CAST: variants seen among roughly 807,000 people sequenced by gnomAD.
CAST encodes the protein calpastatin, also known as MIR583 host.
Under a neutral mutation model 119.6 loss-of-function variants are expected in CAST, and 76 were observed. That is an observed-to-expected ratio of 0.64 (90% CI 0.53 to 0.77). The LOEUF (loss-of-function observed/expected upper bound fraction) is 0.77. Ranked by LOEUF, CAST falls within the 30% of genes least tolerant of loss-of-function variation. The pLI is 0.00. For missense variants in CAST, 953 were observed against 946.5 expected, an observed-to-expected ratio of 1.01 and a Z score of -0.09; for synonymous variants, 319 against 331.6, an observed-to-expected ratio of 0.96 and a Z score of 0.41.
the CAST span, among the ~76,000 whole-genome samples, chr5:96,190,337 G>A: frequency 3.9e-5 from 6 of 152,204 alleles, no homozygotes; most frequent in African/African-American, 1.2e-4. Flanking sequence ...TGTGTGAGTG[G>A]GGAAGGGAGA....
the CAST span, among the ~76,000 whole-genome samples, chr5:96,009,185 A>G: frequency 6.6e-5 from 10 of 152,184 alleles, no homozygotes; most frequent in Admixed American, 1.3e-4. Flanking sequence ...ATATATATGT[A>G]CCACATTTTC....
At chr5:96,218,824 C>T in the CAST span, among the ~76,000 whole-genome samples, 67 of 152,186 alleles carry the variant, frequency 4.4e-4, no homozygotes, top group African/African-American at 1.3e-3. Context: ...CACAGCAGGC[C>T]GGGAGAACAC....
chr5:96,570,305 C>T (rs1024591408), intron 1 of CAST, among the ~76,000 whole-genome samples: 1 of 152,124 alleles, frequency 6.6e-6, no homozygotes, highest in African/African-American at 2.4e-5. Context: ...CACAGCTTCC[C>T]CCAACCATGT....
chr5:96,695,643 C>T, intron 2 of CAST, 193 bp from the exon 3 acceptor site: 1 of 445,640 alleles, frequency 2.2e-6, no homozygotes, highest in Non-Finnish European at 4.2e-6. Flanking sequence ...ATTCAACTTA[C>T]TCTTCATTTC....
the CAST span, among the ~76,000 whole-genome samples, chr5:96,497,231 G>A: frequency 6.6e-6 from 1 of 152,032 alleles, no homozygotes; most frequent in Non-Finnish European, 1.5e-5. Context: ...TGGTGTATAT[G>A]TGCCACATTT....
chr5:96,602,685 G>A (rs1232168279), intron 1 of CAST, among the ~76,000 whole-genome samples: 2 of 152,184 alleles, frequency 1.3e-5, no homozygotes, highest in African/African-American at 4.8e-5. Flanking sequence ...GGGAGGCGGA[G>A]GTTGTAGTGA....
At chr5:96,607,672 T>A (rs1298172766) in intron 1 of CAST, among the ~76,000 whole-genome samples, 1 of 104,918 alleles carries the variant, frequency 9.5e-6, no homozygotes, top group East Asian at 4.3e-4. Flanking sequence ...TATCTCAGTT[T>A]ACTCAGCTGC....
intron 1 of CAST, among the ~76,000 whole-genome samples, chr5:96,551,681 A>T (rs986886559): frequency 6.6e-6 from 1 of 152,046 alleles, no homozygotes; most frequent in African/African-American, 2.4e-5. Context: ...CCTATCTCGC[A>T]TGCAAAGACA....
At chr5:96,382,667 C>G in the CAST span, among the ~76,000 whole-genome samples, 3 of 152,190 alleles carry the variant, frequency 2.0e-5, no homozygotes, top group Admixed American at 1.3e-4. Context: ...TTTCTGGCCT[C>G]TATCACAGTG....
intron 1 of CAST, among the ~76,000 whole-genome samples, chr5:96,654,201 A>G (rs973751463): frequency 6.6e-6 from 1 of 151,290 alleles, no homozygotes; most frequent in Admixed American, 6.6e-5. Flanking sequence ...ATTTTTTTGT[A>G]TTTTTAGTAG....
At chr5:96,627,363 T>A (rs1747743629) in intron 1 of CAST, among the ~76,000 whole-genome samples, 1 of 152,112 alleles carries the variant, frequency 6.6e-6, no homozygotes, top group African/African-American at 2.4e-5. Context: ...TTCCAAAGAG[T>A]CAATTTTGGG....
At chr5:96,604,468 G>A (rs578210709) in intron 1 of CAST, among the ~76,000 whole-genome samples, 13 of 152,304 alleles carry the variant, frequency 8.5e-5, no homozygotes, top group Middle Eastern at 3.4e-3. Context: ...AGGTATTTCA[G>A]GAGAAAGTAA....
intron 1 of CAST, among the ~76,000 whole-genome samples, chr5:96,673,918 G>C (rs947802337): frequency 2.0e-5 from 3 of 152,152 alleles, no homozygotes; most frequent in Non-Finnish European, 4.4e-5. Flanking sequence ...TTGCACCCTG[G>C]CTGCTTTTCA....
chr5:96,447,883 G>A, the CAST span, among the ~76,000 whole-genome samples: 23 of 151,946 alleles, frequency 1.5e-4, no homozygotes, highest in South Asian at 1.5e-3. Context: ...CCCCATGTCC[G>A]CTCTGATCTT....
At chr5:96,417,096 C>T in the CAST span, among the ~76,000 whole-genome samples, 3,069 of 152,220 alleles carry the variant, frequency 0.02, 119 homozygotes, top group African/African-American at 0.071. Flanking sequence ...AGGGTTAGCT[C>T]GGAGCAATAA....
the CAST span, among the ~76,000 whole-genome samples, chr5:96,265,663 C>A: frequency 2.6e-5 from 4 of 152,170 alleles, no homozygotes; most frequent in Middle Eastern, 3.2e-3. Context: ...GAAACACTCT[C>A]ACAGACACAC....
At chr5:96,448,863 G>A in the CAST span, among the ~76,000 whole-genome samples, 45 of 152,106 alleles carry the variant, frequency 3.0e-4, no homozygotes, top group African/African-American at 1.1e-3. Context: ...CCATTCCCCA[G>A]ACCTAAACTC....
At chr5:96,358,578 T>C in the CAST span, among the ~76,000 whole-genome samples, 1 of 152,202 alleles carries the variant, frequency 6.6e-6, no homozygotes, top group Admixed American at 6.5e-5. Context: ...CTGCCTTAAT[T>C]TCATTATTTA....
chr5:95,976,587 C>A, the CAST span, among the ~76,000 whole-genome samples: 1 of 152,094 alleles, frequency 6.6e-6, no homozygotes, highest in East Asian at 1.9e-4. Flanking sequence ...AGAGCATACA[C>A]TCCTATCTCT....
Sources: allele counts gnomAD v4.1 joint callset (sites outside exome capture counted in the v4.1 genomes callset), GRCh38; gene constraint gnomAD v4.1.1; transcripts MANE v1.5; gene names NCBI Gene and HGNC (gene_info 2026-07-23, HGNC 2026-07-21).